The following MLLT3 variants were observed in gnomAD, a reference collection of about 807,000 sequenced individuals.
MLLT3 encodes the protein MLLT3 super elongation complex subunit, also known as protein AF-9.
In MLLT3, 4 loss-of-function variants were observed where a neutral mutation model predicts 53.2. That is an observed-to-expected ratio of 0.08 (90% confidence interval 0.04 to 0.17). The LOEUF is 0.17. Ranked by LOEUF, MLLT3 falls within the 10% of genes least tolerant of loss-of-function variation. The pLI, the probability that MLLT3 is intolerant of heterozygous loss-of-function variation, is 1.00. For synonymous variants in MLLT3, 283 were observed against 230.6 expected, an observed-to-expected ratio of 1.23 and a Z score of -2.06; for missense variants, 569 against 684.0, an observed-to-expected ratio of 0.83 and a Z score of 1.87.
chr9:20,454,351 G>C (rs753711423), intron 3 of MLLT3, among the ~76,000 whole-genome samples: 5 of 152,044 alleles, frequency 3.3e-5, no homozygotes, highest in Non-Finnish European at 7.4e-5. Context: ...CTGGCATATG[G>C]GGAAATTCCA....
At chr9:20,423,172 T>G (rs1823056161) in intron 4 of MLLT3, among the ~76,000 whole-genome samples, 1 of 152,114 alleles carries the variant, frequency 6.6e-6, no homozygotes, top group Non-Finnish European at 1.5e-5. Context: ...GCTGTGGGAC[T>G]AAGGGCATGC....
chr9:20,345,004 C>T lies in MLLT3; in HGVS notation c.*1439G>A, dbSNP rs944956501. ...GTAAAAACTTTGAAGATGAGCTGTT[C>T]TTACTTTTCATTTCTCCACTTATGG... On this transcript the variant is annotated 3_prime_UTR_variant, in exon 11 of 11. Coordinates refer to ENST00000380338, the MANE Select transcript of MLLT3 (RefSeq NM_004529.4). 9 of 216,250 alleles carry T rather than the reference C, an allele frequency of 4.2e-5. No individual in the cohort carries two copies. The highest frequency in any genetic ancestry group is 6.5e-5 in the Non-Finnish European group (7 of 107,390). 13.4% of individuals were successfully genotyped at this position (216,250 alleles called of 1,614,324 possible).
chr9:20,355,113 A>C (rs1027475977), intron 8 of MLLT3, among the ~76,000 whole-genome samples: 4 of 151,754 alleles, frequency 2.6e-5, no homozygotes, highest in East Asian at 1.9e-4. Context: ...AAAAAAAAAA[A>C]AAAACAACAC....
chr9:20,590,119 T>A (rs1820090634), intron 2 of MLLT3, among the ~76,000 whole-genome samples: 1 of 152,196 alleles, frequency 6.6e-6, no homozygotes, highest in Non-Finnish European at 1.5e-5. Flanking sequence ...GGAAAATCTT[T>A]TTCTACCTTT....
intron 2 of MLLT3, among the ~76,000 whole-genome samples, chr9:20,538,108 A>G (rs1202318833): frequency 6.6e-6 from 1 of 152,210 alleles, no homozygotes; most frequent in African/African-American, 2.4e-5. Context: ...CCATGTGTTC[A>G]TTATTGCTGA....
chr9:20,612,005 G>C (rs1035135626), intron 2 of MLLT3, among the ~76,000 whole-genome samples: 1 of 152,060 alleles, frequency 6.6e-6, no homozygotes. Context: ...TCTGAAAGTA[G>C]CTATAGAACT....
At chr9:20,383,088 T>C (rs1821943756) in intron 5 of MLLT3, among the ~76,000 whole-genome samples, 1 of 151,782 alleles carries the variant, frequency 6.6e-6, no homozygotes, top group African/African-American at 2.4e-5. Flanking sequence ...CATTTTCCAG[T>C]AAGTGAGAAA....
intron 2 of MLLT3, chr9:20,532,962 C>T (rs1212782143): frequency 1.9e-5 from 5 of 257,948 alleles, no homozygotes; most frequent in Admixed American, 5.0e-5. Flanking sequence ...ACCTGTCCTT[C>T]GAGCAGGAGT....
At position 20,565,160 on chromosome 9, in the gene MLLT3, T is replaced by C. The variant is rs185359971; in HGVS notation, c.193+55494A>G. Among the ~76,000 whole-genome samples, 135 of 152,156 alleles carry C rather than the reference T, an allele frequency of 8.9e-4. No homozygotes were observed. In the Middle Eastern group the frequency reaches 0.014, roughly 15 times the overall value. ...TTTTTTTTTTCTCAGTATTTAGTTT[T>C]CTCCCACCAATTGGAGGAATAAAAG... is the stretch of plus-strand genomic sequence containing the variant. On this transcript the variant is annotated intron_variant, in intron 2 of 10. Coordinates refer to ENST00000380338, the MANE Select transcript of MLLT3 (RefSeq NM_004529.4).
intron 4 of MLLT3, among the ~76,000 whole-genome samples, chr9:20,440,727 G>A (rs1397081530): frequency 6.6e-6 from 1 of 152,116 alleles, no homozygotes; most frequent in Non-Finnish European, 1.5e-5. Flanking sequence ...GTTTTCAACT[G>A]CAATATTTTT....
At chr9:20,613,743 T>A (rs529660962) in intron 2 of MLLT3, among the ~76,000 whole-genome samples, 7 of 152,290 alleles carry the variant, frequency 4.6e-5, no homozygotes, top group African/African-American at 1.4e-4. Context: ...CCACACAGAT[T>A]GGCAAAGATT....
chr9:20,439,457 A>C, intron 4 of MLLT3, among the ~76,000 whole-genome samples: 1 of 151,510 alleles, frequency 6.6e-6, no homozygotes. Context: ...AAAAGCTAGT[A>C]CATCATACTT....
intron 4 of MLLT3, among the ~76,000 whole-genome samples, chr9:20,431,287 C>T (rs772798069): frequency 2.0e-5 from 3 of 152,038 alleles, no homozygotes; most frequent in Non-Finnish European, 2.9e-5. Flanking sequence ...TATTTTTAGG[C>T]CCCACCCTAG....
In MLLT3 at chr9:20,346,379, C is replaced by CAAAAAAAAAAAAAAACAAAAAAAA. The variant is rs543672849; in HGVS notation, c.*63_*64insTTTTTTTTGTTTTTTTTTTTTTTT. On this transcript the variant is annotated 3_prime_UTR_variant, in exon 11 of 11. Transcript: ENST00000380338. ...AACAACAAGAACAAAAAATCACAAC[C>CAAAAAAAAAAAAAAACAAAAAAAA]AAAAAAAAAAAAAACCAAAAAAAAA... 2 of 985,700 alleles carry CAAAAAAAAAAAAAAACAAAAAAAA rather than the reference C, an allele frequency of 2.0e-6. No homozygotes were observed. The highest frequency in any genetic ancestry group is 3.5e-5 in the East Asian group (1 of 28,754). 61.1% of individuals were successfully genotyped at this position (985,700 alleles called of 1,614,324 possible).
chr9:20,433,225 A>G (rs959895674), intron 4 of MLLT3, among the ~76,000 whole-genome samples: 2 of 152,164 alleles, frequency 1.3e-5, no homozygotes, highest in African/African-American at 4.8e-5. Context: ...TACAAAATGA[A>G]CTTGACATAT....
At position 20,346,395 on chromosome 9, in the gene MLLT3, C is replaced by CAA. The variant is rs375169457; in HGVS notation, c.*46_*47dup. ...AATCACAACCAAAAAAAAAAAAAACCAAAAAAAAAAAACACAATAGTTCTT... is the reference window on the plus strand; with the variant it reads ...AATCACAACCAAAAAAAAAAAAAACCAAAAAAAAAAAAAACACAATAGTTCTT... On this transcript the variant is annotated 3_prime_UTR_variant, in exon 11 of 11. Transcript: ENST00000380338. 1.2e-3 allele frequency: 1,182 copies of CAA among 994,578 alleles called. No individual in the cohort carries two copies. Among genetic ancestry groups the CAA allele is most frequent in the South Asian group, 3.1e-3 (111 of 35,596 alleles). The allele number at this position is 994,578 out of a possible 1,614,324, so 61.6% of individuals were successfully genotyped here. A position where few individuals can be genotyped will look rare whatever the true frequency, so the allele number is the denominator to read the frequency against.
chr9:20,366,395 T>C (rs556531038), intron 5 of MLLT3, among the ~76,000 whole-genome samples: 3 of 152,302 alleles, frequency 2.0e-5, no homozygotes, highest in East Asian at 3.9e-4. Flanking sequence ...TATGGCTGCA[T>C]AGTATTTCAT....
chr9:20,602,611 C>A (rs1346528237), intron 2 of MLLT3, among the ~76,000 whole-genome samples: 3 of 152,128 alleles, frequency 2.0e-5, no homozygotes, highest in Admixed American at 6.6e-5. Context: ...TGTTATCCCA[C>A]TGCAAAAGCA....
At chr9:20,397,788 A>C (rs1822359126) in intron 5 of MLLT3, among the ~76,000 whole-genome samples, 1 of 152,118 alleles carries the variant, frequency 6.6e-6, no homozygotes, top group African/African-American at 2.4e-5. Context: ...AGCATCCCAC[A>C]GTGATAAATT....
Sources: allele counts gnomAD v4.1 joint callset (sites outside exome capture counted in the v4.1 genomes callset), GRCh38; gene constraint gnomAD v4.1.1; transcripts MANE v1.5; gene names NCBI Gene and HGNC (gene_info 2026-07-23, HGNC 2026-07-21).